Variants in ANKRD29 observed in about 807,000 individuals in gnomAD.
The protein encoded by ANKRD29 is ankyrin repeat domain-containing protein 29.
ANKRD29 carries 32 observed loss-of-function variants against 38.0 expected under a neutral mutation model. The ratio of observed to expected loss-of-function variants is 0.84; its 90% CI spans 0.64 to 1.13. ANKRD29 has a LOEUF of 1.13. Ranked by LOEUF, ANKRD29 falls within the 50% of genes most tolerant of loss-of-function variation. ANKRD29 has a pLI of 0.00. For missense variants in ANKRD29, 357 were observed against 377.9 expected, an observed-to-expected ratio of 0.94 and a Z score of 0.46; for synonymous variants, 135 against 152.4, an observed-to-expected ratio of 0.89 and a Z score of 0.84.
chr18:23,649,078 C>CGTACGCT lies in ANKRD29; in HGVS notation c.130_132+4dup. ...GCTGGGCATGCATCTACCGAACCAC[C>CGTACGCT]GTACGCTGTCTCTGCAGTCCACGTC... is the stretch of plus-strand genomic sequence containing the variant. On this transcript the variant is annotated splice_donor_region_variant and intron_variant, in intron 2 of 9. Coordinates refer to ENST00000592179, the MANE Select transcript of ANKRD29 (RefSeq NM_173505.4). 1 of 1,613,448 alleles carries CGTACGCT rather than the reference C, an allele frequency of 6.2e-7. No individual in the cohort carries two copies. Among genetic ancestry groups the CGTACGCT allele is most frequent in the Non-Finnish European group, 8.5e-7 (1 of 1,179,634 alleles).
chr18:23,637,455 T>G (rs116239477), intron 4 of ANKRD29, among the ~76,000 whole-genome samples: 51 of 152,312 alleles, frequency 3.3e-4, no homozygotes, highest in African/African-American at 1.2e-3. Context: ...TGGAGTGCAG[T>G]GGCATGATCA....
intron 2 of ANKRD29, 151 bp downstream of exon 2, chr18:23,648,932 C>T: frequency 1.5e-6 from 1 of 650,902 alleles, no homozygotes; most frequent in Non-Finnish European, 2.6e-6. Flanking sequence ...TTAAGTTCAC[C>T]ACAGTACCTT....
At position 23,629,960 on chromosome 18, in the gene ANKRD29, G is replaced by A; in HGVS notation, c.430-9C>T. The A allele has an allele frequency of 6.2e-7, 1 of 1,606,064 alleles. No homozygotes were observed. The highest frequency in any genetic ancestry group is 8.5e-7 in the Non-Finnish European group (1 of 1,173,216). Reference sequence around the variant, plus strand: ...AGGGCAGTGGCTCCATCCTGAGAGAGAACAAATTAAAAGCATTAAAAACAT... The same window carrying A: ...AGGGCAGTGGCTCCATCCTGAGAGAAAACAAATTAAAAGCATTAAAAACAT... On this transcript the variant is annotated splice_polypyrimidine_tract_variant and intron_variant, in intron 5 of 9. Transcript: ENST00000592179.
At chr18:23,662,623 T>TC in intron 1 of ANKRD29, 87 bp downstream of exon 1, 2 of 77,122 alleles carry the variant, frequency 2.6e-5, no homozygotes, top group South Asian at 1.9e-4. Flanking sequence ...GCCCACCCCA[T>TC]CCCACCCCAT....
At chr18:23,633,471 C>G (rs1234433331) in intron 5 of ANKRD29, among the ~76,000 whole-genome samples, 1 of 152,146 alleles carries the variant, frequency 6.6e-6, no homozygotes, top group Non-Finnish European at 1.5e-5. Flanking sequence ...ATAAGTATCA[C>G]ATGATTTTTG....
At chr18:23,603,647 A>G (rs2059540643) in intron 9 of ANKRD29, among the ~76,000 whole-genome samples, 1 of 152,150 alleles carries the variant, frequency 6.6e-6, no homozygotes, top group African/African-American at 2.4e-5. Flanking sequence ...AAACAAACAA[A>G]CAAAAAAACT....
chr18:23,653,071 G>A (rs1237863688), intron 1 of ANKRD29, among the ~76,000 whole-genome samples: 6 of 152,188 alleles, frequency 3.9e-5, no homozygotes, highest in Non-Finnish European at 7.3e-5. Flanking sequence ...ATGCTATAGA[G>A]TTTTGTCACC....
chr18:23,619,294 C>T, intron 7 of ANKRD29: 1 of 494,360 alleles, frequency 2.0e-6, no homozygotes, highest in Non-Finnish European at 3.5e-6. Flanking sequence ...GGCCCCGTCT[C>T]TACCGCCCTC....
intron 7 of ANKRD29, chr18:23,619,288 C>G (rs909473959): frequency 1.9e-5 from 9 of 480,116 alleles, no homozygotes; most frequent in African/African-American, 1.8e-4. Flanking sequence ...GCGGGAGGCC[C>G]CGTCTCTACC....
chr18:23,603,846 CT>C (rs914546758), intron 9 of ANKRD29, among the ~76,000 whole-genome samples: 702 of 142,394 alleles, frequency 4.9e-3, no homozygotes, highest in Middle Eastern at 0.011. Context: ...ATGTTTACTT[CT>C]TTTTTTTTTT....
intron 7 of ANKRD29, 169 bp downstream of exon 7, chr18:23,619,362 G>A (rs2059765141): frequency 1.6e-6 from 1 of 634,226 alleles, no homozygotes; most frequent in Non-Finnish European, 2.6e-6. Flanking sequence ...CTCGGGTGGA[G>A]GAGGAGAGAG....
intron 6 of ANKRD29, among the ~76,000 whole-genome samples, chr18:23,626,038 G>C (rs1204559987): frequency 6.6e-6 from 1 of 152,204 alleles, no homozygotes; most frequent in Non-Finnish European, 1.5e-5. Flanking sequence ...AACGAAACAA[G>C]ACAGAGTCCC....
chr18:23,634,046 C>T lies in ANKRD29; in HGVS notation c.429+5G>A, dbSNP rs765688697. The T allele has an allele frequency of 3.1e-6, 5 of 1,613,996 alleles. No homozygotes were observed. Among genetic ancestry groups the T allele is most frequent in the Admixed American group, 3.3e-5 (2 of 60,018 alleles). ...TGTCCTAATGTCCCCCTGAAATGCACTCACATAAAGTTGGTCATGGATGTT... is the reference window on the plus strand; with the variant it reads ...TGTCCTAATGTCCCCCTGAAATGCATTCACATAAAGTTGGTCATGGATGTT... On this transcript the variant is annotated splice_donor_5th_base_variant and intron_variant, in intron 5 of 9. Coordinates refer to ENST00000592179, the MANE Select transcript of ANKRD29 (RefSeq NM_173505.4).
At chr18:23,661,515 C>A (rs534318225) in intron 1 of ANKRD29, among the ~76,000 whole-genome samples, 1 of 152,112 alleles carries the variant, frequency 6.6e-6, no homozygotes, top group Non-Finnish European at 1.5e-5. Flanking sequence ...AGACCAGCCT[C>A]GCCAACATGG....
At chr18:23,625,117 C>T (rs1463681977) in intron 6 of ANKRD29, among the ~76,000 whole-genome samples, 1 of 152,160 alleles carries the variant, frequency 6.6e-6, no homozygotes, top group African/African-American at 2.4e-5. Flanking sequence ...AGTTGGGAGT[C>T]CAAGAGCTGT....
chr18:23,655,085 T>C (rs1424381957), intron 1 of ANKRD29, among the ~76,000 whole-genome samples: 3 of 152,216 alleles, frequency 2.0e-5, no homozygotes, highest in Non-Finnish European at 4.4e-5. Flanking sequence ...GAGACATCCA[T>C]TGTCCCACTT....
intron 1 of ANKRD29, among the ~76,000 whole-genome samples, chr18:23,661,295 T>C (rs888842032): frequency 6.6e-6 from 1 of 152,144 alleles, no homozygotes; most frequent in Admixed American, 6.6e-5. Flanking sequence ...TCGAGGAGAG[T>C]ATATCTGTCT....
chr18:23,603,413 A>G (rs1433853233), intron 9 of ANKRD29, among the ~76,000 whole-genome samples: 1 of 152,192 alleles, frequency 6.6e-6, no homozygotes, highest in Non-Finnish European at 1.5e-5. Context: ...CAAGTGGATC[A>G]CCTGAGGTCA....
intron 1 of ANKRD29, among the ~76,000 whole-genome samples, chr18:23,653,522 T>TA (rs1354984438): frequency 1.3e-5 from 2 of 152,212 alleles, no homozygotes; most frequent in Non-Finnish European, 2.9e-5. Flanking sequence ...GTGCTAGGAT[T>TA]ACAGGCGTGA....
Sources: gnomAD v4.1 joint callset for allele counts (sites outside exome capture counted in the v4.1 genomes callset) on GRCh38, gnomAD v4.1.1 for gene constraint, MANE v1.5 for transcripts, NCBI Gene and HGNC (gene_info 2026-07-23, HGNC 2026-07-21) for gene names.